EPS8L3: variants seen among roughly 807,000 people sequenced by gnomAD.
EPS8L3 encodes epidermal growth factor receptor kinase substrate 8-like protein 3.
A neutral mutation model predicts 88.5 loss-of-function variants in EPS8L3; 80 were observed. The observed-to-expected ratio is 0.90, with a 90% CI of 0.75 to 1.09. The LOEUF is 1.09. EPS8L3 is among the 50% of genes least tolerant of loss of function. The pLI, the probability that EPS8L3 is intolerant of heterozygous loss-of-function variation, is 0.00. For synonymous variants in EPS8L3, 286 were observed against 291.0 expected, an observed-to-expected ratio of 0.98 and a Z score of 0.18; for missense variants, 721 against 735.2, an observed-to-expected ratio of 0.98 and a Z score of 0.22.
Position 109,752,181 on chromosome 1 carries a change from A to C in EPS8L3, c.1248T>G (p.His416Gln). The C allele has an allele frequency of 6.2e-7, 1 of 1,612,362 alleles. No individual in the cohort carries two copies. The highest frequency in any genetic ancestry group is 1.3e-5 in the African/African-American group (1 of 74,952). The change falls in exon 15 of 19, where the codon CAT (histidine) becomes CAG (glutamine). Residue 416 changes from histidine (H) to glutamine (Q), a missense_variant. Transcript: ENST00000361965. ...GAAAGTGTGAGGTGCTCCCTAACCT[A>C]TGACTTCCCCGCCTAAGAAACAGAG... is the stretch of plus-strand genomic sequence containing the variant. Reference protein sequence around the residue: ...QDPVSLRRGSHRLGSTSHFPQ... With the variant: ...QDPVSLRRGSQRLGSTSHFPQ...
Position 109,753,187 on chromosome 1 carries a change from G to A in EPS8L3, c.1130C>T (p.Thr377Ile). Residue 377 changes from threonine (T) to isoleucine (I), a missense_variant, in exon 13 of 19, where the codon ACA becomes ATA. By Grantham distance (89) the Thr-to-Ile change is moderately conservative. Coordinates refer to ENST00000361965, the MANE Select transcript of EPS8L3 (RefSeq NM_133181.4). ...PAWTTSRADWTGDEPLPYQPT... is the reference protein window; with the variant it reads ...PAWTTSRADWIGDEPLPYQPT... The stretch of plus-strand genomic sequence containing the variant: ...TTGGTAGGGCAGGGGCTCATCGCCT[G>A]TCCAGTCGGCCCTGAAGAGGGAAAC... 6.2e-7 allele frequency: 1 copy of A among 1,610,508 alleles called. No individual in the cohort carries two copies. The highest frequency in any genetic ancestry group is 8.5e-7 in the Non-Finnish European group (1 of 1,178,158).
chr1:109,761,150 G>A (rs769047588), intron 3 of EPS8L3: 29 of 248,238 alleles, frequency 1.2e-4, no homozygotes, highest in African/African-American at 2.8e-4. Flanking sequence ...CTGGGGACTC[G>A]GGCAGCAGGG....
At position 109,759,285 on chromosome 1, in the gene EPS8L3, C is replaced by T; in HGVS notation, c.358G>A (p.Gly120Ser). 2 of 1,614,114 alleles carry T rather than the reference C, an allele frequency of 1.2e-6. No individual in the cohort carries two copies. The highest frequency in any genetic ancestry group is 8.5e-7 in the Non-Finnish European group (1 of 1,180,020). ...AGCAGAGTGCTAGTGCCTGGCAGGCCCGGCTCCTGCACGGTGATGGACAGG... is the reference window on the plus strand; with the variant it reads ...AGCAGAGTGCTAGTGCCTGGCAGGCTCGGCTCCTGCACGGTGATGGACAGG... ...SILSITVQEPGLPGTSTLLFQ... is the reference protein window; with the variant it reads ...SILSITVQEPSLPGTSTLLFQ... Residue 120 changes from glycine to serine, a missense_variant, in exon 5 of 19, where the codon GGC (glycine) becomes AGC (serine). Coordinates refer to ENST00000361965, the MANE Select transcript of EPS8L3 (RefSeq NM_133181.4). The surrounding 1 kb of genome is among the most constrained non-coding windows in gnomAD (Gnocchi z 4.2).
In EPS8L3 at chr1:109,751,287, A is replaced by T; in HGVS notation, c.1628T>A (p.Phe543Tyr). The T allele has an allele frequency of 6.2e-7, 1 of 1,613,728 alleles. No homozygotes were observed. Residue 543 changes from phenylalanine to tyrosine, a missense_variant, in exon 17 of 19, where the codon TTC becomes TAC. Physicochemically the swap from Phe to Tyr is conservative, Grantham distance 22 (BLOSUM62 3). Coordinates refer to ENST00000361965, the MANE Select transcript of EPS8L3 (RefSeq NM_133181.4). ...EVTDWLQAEN[F>Y]STATVRTLGS... ...AGGGCCAGGCACTCACGCAGTGGAG[A>T]AGTTCTCTGCCTGCAGCCAGTCTGT...
chr1:109,751,328 C>T lies in EPS8L3; in HGVS notation c.1587G>A (p.Ser529=), dbSNP rs756778168. 7.2e-5 allele frequency: 116 copies of T among 1,613,722 alleles called. No individual in the cohort carries two copies. Among genetic ancestry groups the T allele is most frequent in the Non-Finnish European group, 9.3e-5 (110 of 1,179,992 alleles). The part of the protein sequence containing the change: ...PSRVPMLRLS[S]RPEEVTDWLQ... ...GCCAGTCTGTGACCTCTTCAGGCCTCGAGCTAAGTCGAAGCATTGGAACCT... is the reference window on the plus strand; with the variant it reads ...GCCAGTCTGTGACCTCTTCAGGCCTTGAGCTAAGTCGAAGCATTGGAACCT... Residue 529 remains serine, a synonymous_variant, in exon 17 of 19, where the codon TCG becomes TCA. Transcript: ENST00000361965.
At chr1:109,761,915 G>T (rs6676659) in intron 1 of EPS8L3, 142 bp from the exon 2 acceptor site, 3 of 675,520 alleles carry the variant, frequency 4.4e-6, no homozygotes, top group Admixed American at 2.5e-5. Flanking sequence ...GGCCCTTTCC[G>T]GAGCCATCTG....
At chr1:109,751,539 CAAT>C in intron 16 of EPS8L3, 112 bp downstream of exon 16, 1 of 1,505,008 alleles carries the variant, frequency 6.6e-7, no homozygotes. Context: ...ACTAAGCATG[CAAT>C]AATACGGTCC....
In EPS8L3 at chr1:109,761,473, C is replaced by T. The variant is rs201350175; in HGVS notation, c.96+22G>A. On this transcript the variant is annotated intron_variant, in intron 3 of 18. Coordinates refer to ENST00000361965, the MANE Select transcript of EPS8L3 (RefSeq NM_133181.4). Reference sequence around the variant, plus strand: ...CACTTGGGTTTAGTTGGACACTGCCCGGGGGCTGCAGAGGTACTCACCTCC... The same window carrying T: ...CACTTGGGTTTAGTTGGACACTGCCTGGGGGCTGCAGAGGTACTCACCTCC... 1.0e-4 allele frequency: 167 copies of T among 1,600,026 alleles called. No individual in the cohort carries two copies. In the African/African-American group the frequency reaches 1.2e-3, roughly 11 times the overall value.
chr1:109,761,847 G>T, intron 1 of EPS8L3, 74 bp from the exon 2 acceptor site: 1 of 1,369,148 alleles, frequency 7.3e-7, no homozygotes, highest in Non-Finnish European at 1.0e-6. Context: ...GGGCAGGACA[G>T]TTGCTATTGC....
chr1:109,758,700 G>A (rs1427325935), intron 6 of EPS8L3, 37 bp from the exon 7 acceptor site: 1 of 1,524,002 alleles, frequency 6.6e-7, no homozygotes. Context: ...TCTTTGACAA[G>A]GTTCTTTGGA....
chr1:109,763,794 C>T (rs878604), intron 1 of EPS8L3, 28 bp downstream of exon 1: 28,157 of 152,920 alleles, frequency 0.18, 2,881 homozygotes, highest in South Asian at 0.23. Context: ...GGCTGGGCCC[C>T]GATCTTCCCT....
intron 14 of EPS8L3, 135 bp from the exon 15 acceptor site, chr1:109,752,328 C>G: frequency 1.1e-6 from 1 of 870,524 alleles, no homozygotes; most frequent in Non-Finnish European, 1.8e-6. Context: ...AGTTTGCTGG[C>G]AGGTCAGTGT....
Position 109,761,761 on chromosome 1 carries a change from T to C in EPS8L3, c.-12A>G. ...CTGGGCCTTGACATGTTGACGCTGC[T>C]GAGGACGGCTCCCTAGAACCCAAAG... On this transcript the variant is annotated 5_prime_UTR_variant, in exon 2 of 19. Transcript: ENST00000361965. 6.2e-7 allele frequency: 1 copy of C among 1,613,906 alleles called. No individual in the cohort carries two copies. Among genetic ancestry groups the C allele is most frequent in the Non-Finnish European group, 8.5e-7 (1 of 1,179,960 alleles).
chr1:109,762,712 A>G (rs1295552782), intron 1 of EPS8L3, among the ~76,000 whole-genome samples: 2 of 152,210 alleles, frequency 1.3e-5, no homozygotes, highest in African/African-American at 2.4e-5. Context: ...CAAGGCAGGT[A>G]CTGGTATTGT....
At chr1:109,761,058 C>T (rs528355345) in intron 3 of EPS8L3, among the ~76,000 whole-genome samples, 41 of 152,226 alleles carry the variant, frequency 2.7e-4, no homozygotes, top group African/African-American at 9.6e-4. Context: ...CCCTCTCAAT[C>T]CCCCACAGGG....
rs1161194376 is a variant in EPS8L3 at position 109,757,958 on chromosome 1, T to C, written c.818A>G (p.Asn273Ser). ...TSRKKKFGKK[N>S]KDQGGLTQAQ... Reference sequence around the variant, plus strand: ...TCAGTACTCACCTCCCTGGTCCTTGTTTTTTTTCCCAAATTTCTTCTTCCT... The same window carrying C: ...TCAGTACTCACCTCCCTGGTCCTTGCTTTTTTTCCCAAATTTCTTCTTCCT... Residue 273 changes from asparagine (N) to serine (S), a missense_variant, in exon 9 of 19, where the codon AAC becomes AGC. Asn to Ser is a conservative substitution (Grantham distance 46). Transcript: ENST00000361965. The C allele has an allele frequency of 6.2e-7, 1 of 1,613,936 alleles. No homozygotes were observed.
At position 109,752,122 on chromosome 1, in the gene EPS8L3, G is replaced by A. The variant is rs1332792009; in HGVS notation, c.1307C>T (p.Pro436Leu). ...GGAGGGCCTGGAGTTGGGGTCCCCAGGCTGAGGGTCATGGTTGTGTGTCTT... is the reference window on the plus strand; with the variant it reads ...GGAGGGCCTGGAGTTGGGGTCCCCAAGCTGAGGGTCATGGTTGTGTGTCTT... ...QEKTHNHDPQ[P>L]GDPNSRPSSP... Residue 436 changes from proline (P) to leucine (L), a missense_variant, in exon 15 of 19, where the codon CCT becomes CTT. Transcript: ENST00000361965. 6.2e-7 allele frequency: 1 copy of A among 1,614,166 alleles called. No individual in the cohort carries two copies. The highest frequency in any genetic ancestry group is 1.1e-5 in the South Asian group (1 of 91,078).
chr1:109,761,523 T>C lies in EPS8L3; in HGVS notation c.68A>G (p.Glu23Gly), dbSNP rs755621159. Residue 23 changes from glutamate to glycine, a missense_variant, in exon 3 of 19, where the codon GAG becomes GGG. Glu to Gly is a moderately conservative substitution (Grantham distance 98, BLOSUM62 -2). Transcript: ENST00000361965. ...CACCCTGTGCTGCAGGAGGGTGGGC[T>C]CTGAGGTGAGGTTCTGGGAGTACTC... The part of the protein sequence containing the change: ...RKEYSQNLTS[E>G]PTLLQHRVEH... 3 of 1,613,300 alleles carry C rather than the reference T, an allele frequency of 1.9e-6. No homozygotes were observed. The highest frequency in any genetic ancestry group is 1.1e-5 in the South Asian group (1 of 91,046).
Position 109,759,450 on chromosome 1 carries a change from C to A in EPS8L3, c.256-63G>T. The stretch of plus-strand genomic sequence containing the variant: ...AGCTAGGTGTGGCTTCTGGGAGCTC[C>A]TGACCAGCTCATCCTAGCCCTTTGG... On this transcript the variant is annotated intron_variant, in intron 4 of 18. Transcript: ENST00000361965. This position sits in a 1 kb window ranked among gnomAD's most constrained non-coding sequence, Gnocchi z 4.2. 6.3e-7 allele frequency: 1 copy of A among 1,588,808 alleles called. No individual in the cohort carries two copies. The highest frequency in any genetic ancestry group is 8.6e-7 in the Non-Finnish European group (1 of 1,167,756).
Sources: gnomAD v4.1 joint callset for allele counts (sites outside exome capture counted in the v4.1 genomes callset) on GRCh38, gnomAD v4.1.1 for gene constraint, Gnocchi (gnomAD v3.1) non-coding constraint, MANE v1.5 for transcripts, NCBI Gene and HGNC (gene_info 2026-07-23, HGNC 2026-07-21) for gene names.